CELF2: variants seen among roughly 807,000 people sequenced by gnomAD.
CELF2 encodes CUG triplet repeat RNA-binding protein 2.
Under a neutral mutation model 62.6 loss-of-function variants are expected in CELF2, and 8 were observed. The observed-to-expected ratio is 0.13, with a 90% confidence interval of 0.07 to 0.23. The LOEUF (loss-of-function observed/expected upper bound fraction) is 0.23. Among genes scored for constraint, CELF2 ranks in the 10% least tolerant of loss-of-function variants. The pLI, the probability that CELF2 is intolerant of heterozygous loss-of-function variation, is 1.00. For missense variants in CELF2, 333 were observed against 671.0 expected (o/e 0.50, Z 5.56); for synonymous variants, 258 against 250.0 (o/e 1.03, Z -0.30).
chr10:10,681,629 C>T, the CELF2 span, among the ~76,000 whole-genome samples: 1 of 151,958 alleles, frequency 6.6e-6, no homozygotes, highest in African/African-American at 2.4e-5. Context: ...TTTTTTTAAC[C>T]ATTTAAAAAA....
the CELF2 span, among the ~76,000 whole-genome samples, chr10:10,517,873 T>C: frequency 6.6e-6 from 1 of 152,244 alleles, no homozygotes; most frequent in East Asian, 1.9e-4. Context: ...GTGGTTAATG[T>C]GCTAGAAAAT....
the CELF2 span, among the ~76,000 whole-genome samples, chr10:10,706,817 A>G: frequency 6.6e-6 from 1 of 152,180 alleles, no homozygotes; most frequent in Non-Finnish European, 1.5e-5. Flanking sequence ...ACAACTTTAA[A>G]CGCTCTAGTT....
chr10:11,280,096 G>A lies in CELF2; in HGVS notation c.841+4976G>A, dbSNP rs1239484758. Reference sequence around the variant, plus strand: ...AGGATGAGCGTGTGGGATAAAGTGTGACTTGGGGTGCAGACTGAGGAGGCG... The same window carrying A: ...AGGATGAGCGTGTGGGATAAAGTGTAACTTGGGGTGCAGACTGAGGAGGCG... On this transcript the variant is annotated intron_variant, in intron 8 of 12. Coordinates refer to ENST00000633077, the MANE Select transcript of CELF2 (RefSeq NM_001326342.2). This position sits in a 1 kb window ranked among gnomAD's most constrained non-coding sequence, Gnocchi z 7.6. Among the ~76,000 whole-genome samples, 1 of 152,206 alleles carries A rather than the reference G, an allele frequency of 6.6e-6. No individual in the cohort carries two copies. Among genetic ancestry groups the A allele is most frequent in the Non-Finnish European group, 1.5e-5 (1 of 68,042 alleles).
At chr10:10,950,106 G>A (rs2135704083) in intron 2 of CELF2, among the ~76,000 whole-genome samples, 1 of 152,294 alleles carries the variant, frequency 6.6e-6, no homozygotes, top group Admixed American at 6.5e-5. Context: ...GCTGCAAGAG[G>A]CGAGTTGAGG....
the CELF2 span, among the ~76,000 whole-genome samples, chr10:10,547,566 G>T: frequency 6.6e-6 from 1 of 151,914 alleles, no homozygotes; most frequent in Non-Finnish European, 1.5e-5. Context: ...AGATCACCAG[G>T]TGTCACCTAC....
intron 1 of CELF2, among the ~76,000 whole-genome samples, chr10:10,861,095 T>C (rs1001384820): frequency 6.6e-6 from 1 of 152,060 alleles, no homozygotes; most frequent in African/African-American, 2.4e-5. Flanking sequence ...TAAGAATGGT[T>C]GGTTGGTTGT....
At chr10:10,719,859 G>A in the CELF2 span, among the ~76,000 whole-genome samples, 1 of 152,190 alleles carries the variant, frequency 6.6e-6, no homozygotes, top group Non-Finnish European at 1.5e-5. Context: ...TATTGATTCT[G>A]ATTTGGGCGG....
intron 2 of CELF2, among the ~76,000 whole-genome samples, chr10:10,948,799 G>A (rs1226159234): frequency 6.6e-6 from 1 of 152,020 alleles, no homozygotes; most frequent in African/African-American, 2.4e-5. Flanking sequence ...TAAATCTTGG[G>A]GTCTTTCAAA....
intron 1 of CELF2, among the ~76,000 whole-genome samples, chr10:11,138,788 C>G (rs778424272): frequency 7.2e-5 from 11 of 152,132 alleles, no homozygotes; most frequent in Admixed American, 3.9e-4. Context: ...TGTTCTCCCT[C>G]CTAAACAATT....
intron 1 of CELF2, among the ~76,000 whole-genome samples, chr10:11,047,489 GTC>G (rs1182607287): frequency 6.6e-6 from 1 of 152,180 alleles, no homozygotes; most frequent in Non-Finnish European, 1.5e-5. Flanking sequence ...GATTTCTAGA[GTC>G]TCTGACCATG....
upstream of CELF2, among the ~76,000 whole-genome samples, chr10:11,003,293 C>A (rs2054704150): frequency 6.6e-6 from 1 of 152,208 alleles, no homozygotes; most frequent in Non-Finnish European, 1.5e-5. This position sits in a 1 kb window ranked among gnomAD's most constrained non-coding sequence, Gnocchi z 4.4. Flanking sequence ...GTAGGAACAG[C>A]CCCATATACT....
intron 2 of CELF2, chr10:10,920,039 T>C (rs1258073591): frequency 8.3e-7 from 1 of 1,207,036 alleles, no homozygotes; most frequent in Non-Finnish European, 1.0e-6. Flanking sequence ...CCCGATTTCT[T>C]ATATCCACAA....
intron 2 of CELF2, among the ~76,000 whole-genome samples, chr10:11,190,988 G>A (rs1385808384): frequency 6.6e-6 from 1 of 152,110 alleles, no homozygotes; most frequent in Non-Finnish European, 1.5e-5. Flanking sequence ...CAGTTGCACA[G>A]CAGCATCAAT....
At chr10:11,279,840 A>G (rs1295243026) in intron 8 of CELF2, among the ~76,000 whole-genome samples, 1 of 152,164 alleles carries the variant, frequency 6.6e-6, no homozygotes, top group Non-Finnish European at 1.5e-5. Context: ...CAAGTATTGA[A>G]TGAAAGTTGA....
At chr10:10,669,580 G>A in the CELF2 span, among the ~76,000 whole-genome samples, 4 of 152,156 alleles carry the variant, frequency 2.6e-5, no homozygotes, top group East Asian at 3.9e-4. Context: ...AATTTGCCAT[G>A]ACTCCCTGGG....
upstream of CELF2, among the ~76,000 whole-genome samples, chr10:10,797,920 C>T (rs141671584): frequency 6.6e-6 from 1 of 152,170 alleles, no homozygotes; most frequent in Non-Finnish European, 1.5e-5. Context: ...AAACATCTCT[C>T]ATGCACAATT....
At chr10:10,821,518 T>A (rs1205464005) in intron 1 of CELF2, among the ~76,000 whole-genome samples, 1 of 152,332 alleles carries the variant, frequency 6.6e-6, no homozygotes, top group South Asian at 2.1e-4. Context: ...AAGTCCTTCT[T>A]GTCTTCCTGC....
intron 2 of CELF2, among the ~76,000 whole-genome samples, chr10:11,200,071 G>A (rs751455763): frequency 1.3e-5 from 2 of 152,184 alleles, no homozygotes; most frequent in African/African-American, 4.8e-5. Flanking sequence ...GGTTGAGAAT[G>A]TATGATGTGA....
chr10:10,843,160 G>C (rs1200356358), intron 1 of CELF2, among the ~76,000 whole-genome samples: 1 of 151,760 alleles, frequency 6.6e-6, no homozygotes, highest in Non-Finnish European at 1.5e-5. Flanking sequence ...ATCTGATATT[G>C]GCAATTTGTG....
Sources: gnomAD v4.1 joint callset for allele counts (sites outside exome capture counted in the v4.1 genomes callset) on GRCh38, gnomAD v4.1.1 for gene constraint, Gnocchi (gnomAD v3.1) non-coding constraint, MANE v1.5 for transcripts, NCBI Gene and HGNC (gene_info 2026-07-23, HGNC 2026-07-21) for gene names.